The following PCBD2 variants were observed in gnomAD, a reference collection of about 807,000 sequenced individuals.
PCBD2 encodes pterin-4-alpha-carbinolamine dehydratase 2.
A neutral mutation model predicts 16.4 loss-of-function variants in PCBD2; 12 were observed. The observed-to-expected ratio is 0.73, with a 90% CI of 0.47 to 1.19. PCBD2 has a LOEUF of 1.19. Among genes scored for constraint, PCBD2 ranks in the 50% most tolerant of loss-of-function variants. The pLI, the probability that PCBD2 is intolerant of heterozygous loss-of-function variation, is 0.00. For missense variants in PCBD2, 138 were observed against 156.8 expected (o/e 0.88, Z 0.64); for synonymous variants, 58 against 61.8 (o/e 0.94, Z 0.29).
At chr5:134,913,510 C>T (rs916007138) in intron 2 of PCBD2, among the ~76,000 whole-genome samples, 7 of 152,024 alleles carry the variant, frequency 4.6e-5, no homozygotes, top group Non-Finnish European at 8.8e-5. Flanking sequence ...GGCGAGGAGA[C>T]GAGGGGAAGG....
chr5:134,905,955 C>T (rs1750682878), intron 1 of PCBD2, among the ~76,000 whole-genome samples: 1 of 152,150 alleles, frequency 6.6e-6, no homozygotes, highest in Non-Finnish European at 1.5e-5. Context: ...TCACTGCAAC[C>T]TCCATCTCCT....
At chr5:134,953,183 A>G (rs1480179287) in intron 2 of PCBD2, among the ~76,000 whole-genome samples, 1 of 151,932 alleles carries the variant, frequency 6.6e-6, no homozygotes, top group East Asian at 1.9e-4. Flanking sequence ...GTCTTATAAA[A>G]CATGGCAGAA....
chr5:134,954,851 C>T (rs1196695651), intron 2 of PCBD2, among the ~76,000 whole-genome samples: 2 of 152,022 alleles, frequency 1.3e-5, no homozygotes, highest in South Asian at 4.2e-4. Context: ...CAGTGATTCT[C>T]CTGCCTCAGC....
chr5:134,940,806 T>A (rs1027535675), intron 2 of PCBD2, among the ~76,000 whole-genome samples: 2 of 151,980 alleles, frequency 1.3e-5, no homozygotes, highest in African/African-American at 4.8e-5. Context: ...CACAGACACA[T>A]GTGACAGGAA....
intron 2 of PCBD2, among the ~76,000 whole-genome samples, chr5:134,931,030 A>G (rs903894137): frequency 4.0e-4 from 61 of 151,416 alleles, no homozygotes; most frequent in African/African-American, 1.5e-3. Flanking sequence ...CCATTCTCCC[A>G]CCTCAGCCTA....
intron 2 of PCBD2, among the ~76,000 whole-genome samples, chr5:134,954,581 T>C (rs925242226): frequency 2.0e-5 from 3 of 152,204 alleles, no homozygotes; most frequent in Non-Finnish European, 4.4e-5. Context: ...CCCTGACTTA[T>C]TGTATTTCTA....
intron 2 of PCBD2, chr5:134,926,033 C>G: frequency 2.7e-6 from 1 of 373,782 alleles, no homozygotes; most frequent in Non-Finnish European, 4.8e-6. Context: ...CCTTCTCAGC[C>G]GATGAATAGC....
chr5:134,956,683 G>T (rs1055722203), intron 2 of PCBD2, among the ~76,000 whole-genome samples: 1 of 152,080 alleles, frequency 6.6e-6, no homozygotes, highest in East Asian at 1.9e-4. Context: ...CTACATGTGC[G>T]AGTCTCTATT....
At chr5:134,958,882 C>G (rs1233498313) in intron 2 of PCBD2, among the ~76,000 whole-genome samples, 158 bp from the exon 3 acceptor site, 1 of 152,116 alleles carries the variant, frequency 6.6e-6, no homozygotes, top group African/African-American at 2.4e-5. Context: ...GCACTGTGAC[C>G]CCAGAGGCCT....
At chr5:134,954,968 C>G (rs775196511) in intron 2 of PCBD2, among the ~76,000 whole-genome samples, 1 of 151,742 alleles carries the variant, frequency 6.6e-6, no homozygotes, top group Non-Finnish European at 1.5e-5. Flanking sequence ...TCTCTAACTC[C>G]TGACCTCAAG....
chr5:134,923,580 C>T, intron 2 of PCBD2: 1 of 333,334 alleles, frequency 3.0e-6, no homozygotes, highest in Non-Finnish European at 5.4e-6. Flanking sequence ...CAGATCTGTT[C>T]CGATGTATGG....
At chr5:134,957,998 A>G (rs1751433802) in intron 2 of PCBD2, among the ~76,000 whole-genome samples, 1 of 152,220 alleles carries the variant, frequency 6.6e-6, no homozygotes, top group African/African-American at 2.4e-5. Flanking sequence ...ATACACACTT[A>G]GGTCATTTGG....
At chr5:134,959,232 CTTT>C in intron 3 of PCBD2, 112 bp downstream of exon 3, 1 of 768,454 alleles carries the variant, frequency 1.3e-6, no homozygotes, top group Non-Finnish European at 2.0e-6. Flanking sequence ...AAGTCTTATC[CTTT>C]CTCTCAGAAT....
At chr5:134,959,002 A>G in intron 2 of PCBD2, 38 bp from the exon 3 acceptor site, 6 of 1,528,846 alleles carry the variant, frequency 3.9e-6, no homozygotes, top group Non-Finnish European at 5.4e-6. Flanking sequence ...AGGGTAGAGG[A>G]CAATGTCAGT....
intron 2 of PCBD2, among the ~76,000 whole-genome samples, chr5:134,952,142 G>A (rs539095456): frequency 8.7e-5 from 13 of 149,652 alleles, no homozygotes; most frequent in Admixed American, 8.0e-4. Context: ...TTGTTTGTAT[G>A]AGAAGCTGTT....
intron 2 of PCBD2, among the ~76,000 whole-genome samples, chr5:134,945,336 G>C (rs891559899): frequency 2.6e-5 from 4 of 152,178 alleles, no homozygotes; most frequent in African/African-American, 9.7e-5. Flanking sequence ...GCACAGAGAA[G>C]GTGATTGCTC....
chr5:134,910,739 T>C (rs1750759456), intron 2 of PCBD2, among the ~76,000 whole-genome samples: 1 of 152,258 alleles, frequency 6.6e-6, no homozygotes, highest in Non-Finnish European at 1.5e-5. Context: ...TTAGGATATG[T>C]AGTTTCTTTT....
chr5:134,915,708 C>T (rs1750824304), intron 2 of PCBD2, among the ~76,000 whole-genome samples: 1 of 152,088 alleles, frequency 6.6e-6, no homozygotes, highest in African/African-American at 2.4e-5. Flanking sequence ...GCCTCAGCCT[C>T]TCAAAGTATT....
chr5:134,944,343 C>CT (rs1751266740), intron 2 of PCBD2, among the ~76,000 whole-genome samples: 1 of 152,276 alleles, frequency 6.6e-6, no homozygotes, highest in East Asian at 1.9e-4. Context: ...ATATTGTGCT[C>CT]TTTGTCTTTT....
Sources: gnomAD v4.1 joint callset for allele counts (sites outside exome capture counted in the v4.1 genomes callset) on GRCh38, gnomAD v4.1.1 for gene constraint, MANE v1.5 for transcripts, NCBI Gene and HGNC (gene_info 2026-07-23, HGNC 2026-07-21) for gene names.